Variants in EDN1 observed in about 807,000 individuals in gnomAD.
The protein encoded by EDN1 is endothelin 1.
EDN1 carries 11 observed loss-of-function variants against 21.7 expected under a neutral mutation model. The observed-to-expected ratio is 0.51, with a 90% CI of 0.32 to 0.84. EDN1 has a LOEUF of 0.84. Ranked by LOEUF, EDN1 falls within the 40% of genes least tolerant of loss-of-function variation. The pLI, the probability that EDN1 is intolerant of heterozygous loss-of-function variation, is 0.03. For synonymous variants in EDN1, 85 were observed against 90.6 expected, an observed-to-expected ratio of 0.94 and a Z score of 0.35; for missense variants, 244 against 262.3, an observed-to-expected ratio of 0.93 and a Z score of 0.48.
chr6:12,258,559 A>G, the EDN1 span, among the ~76,000 whole-genome samples: 1 of 152,142 alleles, frequency 6.6e-6, no homozygotes, highest in South Asian at 2.1e-4. Flanking sequence ...GAAATATACT[A>G]GACATCAAAG....
At chr6:12,285,324 T>A in the EDN1 span, among the ~76,000 whole-genome samples, 1 of 152,194 alleles carries the variant, frequency 6.6e-6, no homozygotes, top group African/African-American at 2.4e-5. Context: ...TTTTGGGATG[T>A]GAACCTTTTG....
chr6:12,247,648 C>A, the EDN1 span, among the ~76,000 whole-genome samples: 1 of 148,004 alleles, frequency 6.8e-6, no homozygotes, highest in Non-Finnish European at 1.5e-5. Flanking sequence ...AAGCGATTCT[C>A]ATGCCTCAAT....
intron 2 of EDN1, among the ~76,000 whole-genome samples, chr6:12,293,017 A>G (rs546701998): frequency 1.1e-4 from 17 of 152,222 alleles, no homozygotes; most frequent in Admixed American, 3.3e-4. Flanking sequence ...CTAGAACTGG[A>G]GCCCGGATTT....
At chr6:12,239,772 G>T in the EDN1 span, among the ~76,000 whole-genome samples, 1 of 152,046 alleles carries the variant, frequency 6.6e-6, no homozygotes, top group Admixed American at 6.6e-5. Context: ...AGCTGGGCAT[G>T]GTGGTGTGTG....
chr6:12,264,827 A>G, the EDN1 span, among the ~76,000 whole-genome samples: 1 of 152,324 alleles, frequency 6.6e-6, no homozygotes, highest in Non-Finnish European at 1.5e-5. Context: ...GAGGAGATGA[A>G]GAAAGCAAAA....
At chr6:12,281,350 G>T in the EDN1 span, among the ~76,000 whole-genome samples, 8 of 152,108 alleles carry the variant, frequency 5.3e-5, no homozygotes, top group East Asian at 1.5e-3. Context: ...CTGAATCCTT[G>T]ATTTGAAAAA....
the EDN1 span, among the ~76,000 whole-genome samples, chr6:12,240,952 T>C: frequency 1.3e-5 from 2 of 152,206 alleles, no homozygotes; most frequent in Non-Finnish European, 2.9e-5. Context: ...AACATCAAGG[T>C]AGAAAGCACT....
At chr6:12,261,909 G>C in the EDN1 span, among the ~76,000 whole-genome samples, 2 of 152,212 alleles carry the variant, frequency 1.3e-5, no homozygotes, top group African/African-American at 4.8e-5. Flanking sequence ...GACATGGAGA[G>C]AGGGGTCGCC....
At chr6:12,256,481 A>G in the EDN1 span, among the ~76,000 whole-genome samples, 2 of 152,178 alleles carry the variant, frequency 1.3e-5, no homozygotes, top group East Asian at 3.8e-4. Flanking sequence ...CTCCACAGTG[A>G]GCCATCAACC....
chr6:12,265,511 G>T, the EDN1 span, among the ~76,000 whole-genome samples: 2 of 152,192 alleles, frequency 1.3e-5, no homozygotes, highest in Non-Finnish European at 2.9e-5. Context: ...TGCACAGAGG[G>T]TTGCCCCTGT....
chr6:12,294,298 A>G lies in EDN1; in HGVS notation c.427A>G (p.Lys143Glu), dbSNP rs778052405. Residue 143 changes from lysine (K) to glutamate (E), a missense_variant, in exon 4 of 5, where the codon AAG (lysine) becomes GAG (glutamate). Lys to Glu is a moderately conservative substitution (Grantham distance 56). Transcript: ENST00000379375. ...TATGGAGAAAGACTGGAATAATCATAAGAAAGGAAAAGACTGTTCCAAGCT... is the reference window on the plus strand; with the variant it reads ...TATGGAGAAAGACTGGAATAATCATGAGAAAGGAAAAGACTGTTCCAAGCT... ...DIMEKDWNNH[K>E]KGKDCSKLGK... The G allele has an allele frequency of 6.2e-7, 1 of 1,614,250 alleles. No homozygotes were observed. Among genetic ancestry groups the G allele is most frequent in the Non-Finnish European group, 8.5e-7 (1 of 1,180,044 alleles).
the EDN1 span, among the ~76,000 whole-genome samples, chr6:12,283,294 G>T: frequency 6.6e-6 from 1 of 152,184 alleles, no homozygotes; most frequent in Non-Finnish European, 1.5e-5. Flanking sequence ...TACTAAATTA[G>T]AGTTTGAGGG....
chr6:12,276,553 G>C, the EDN1 span, among the ~76,000 whole-genome samples: 1 of 152,220 alleles, frequency 6.6e-6, no homozygotes, highest in Non-Finnish European at 1.5e-5. Flanking sequence ...TTTGTACCGA[G>C]TTATGGTGCA....
chr6:12,256,409 G>A, the EDN1 span, among the ~76,000 whole-genome samples: 10 of 151,818 alleles, frequency 6.6e-5, no homozygotes, highest in South Asian at 2.1e-3. Flanking sequence ...ACCCAAAAAA[G>A]ACCATTAGGC....
upstream of EDN1, among the ~76,000 whole-genome samples, chr6:12,286,829 A>G (rs899449557): frequency 1.3e-5 from 2 of 152,216 alleles, no homozygotes; most frequent in African/African-American, 2.4e-5. Context: ...AAAAGCAAGA[A>G]TAGGCCAGGA....
chr6:12,265,224 G>C, the EDN1 span, among the ~76,000 whole-genome samples: 1 of 152,200 alleles, frequency 6.6e-6, no homozygotes, highest in African/African-American at 2.4e-5. Flanking sequence ...CCAATGCCAA[G>C]CGATATGTGC....
chr6:12,236,693 T>C, the EDN1 span, among the ~76,000 whole-genome samples: 1 of 152,156 alleles, frequency 6.6e-6, no homozygotes, highest in East Asian at 1.9e-4. Flanking sequence ...TCTAAGTGCT[T>C]TATTATAAAT....
chr6:12,284,755 GA>G, the EDN1 span, among the ~76,000 whole-genome samples: 24 of 145,636 alleles, frequency 1.6e-4, no homozygotes, highest in Non-Finnish European at 2.8e-4. Context: ...AAGGAAGAAA[GA>G]AAGAAAGAAA....
intron 4 of EDN1, 98 bp from the exon 5 acceptor site, chr6:12,295,864 A>T: frequency 8.3e-7 from 1 of 1,201,082 alleles, no homozygotes; most frequent in Non-Finnish European, 1.2e-6. Flanking sequence ...AACCAGATTC[A>T]GGTTTTGTTT....
Sources: allele counts gnomAD v4.1 joint callset (sites outside exome capture counted in the v4.1 genomes callset), GRCh38; gene constraint gnomAD v4.1.1; transcripts MANE v1.5; gene names NCBI Gene and HGNC (gene_info 2026-07-23, HGNC 2026-07-21).